The following ALOX15 variants were observed in gnomAD, a reference collection of about 807,000 sequenced individuals.
ALOX15 encodes arachidonate 15-lipoxygenase, also known as polyunsaturated fatty acid lipoxygenase ALOX15.
Under a neutral mutation model 71.7 loss-of-function variants are expected in ALOX15, and 68 were observed. That is an observed-to-expected ratio of 0.95 (90% CI 0.78 to 1.16). ALOX15 has a LOEUF of 1.16. Ranked by LOEUF, ALOX15 falls within the 50% of genes most tolerant of loss-of-function variation. The probability of loss-of-function intolerance (pLI) is 0.00; values close to 1 mark genes in which losing one functional copy is unlikely to be tolerated. For synonymous variants in ALOX15, 346 were observed against 333.3 expected, an observed-to-expected ratio of 1.04 and a Z score of -0.42; for missense variants, 798 against 818.8, an observed-to-expected ratio of 0.97 and a Z score of 0.31.
intron 7 of ALOX15, among the ~76,000 whole-genome samples, chr17:4,636,415 G>C (rs1911104655): frequency 6.6e-6 from 1 of 152,142 alleles, no homozygotes; most frequent in African/African-American, 2.4e-5. Context: ...ATCCACCTGG[G>C]CACCCTGTTC....
intron 8 of ALOX15, among the ~76,000 whole-genome samples, chr17:4,634,550 TTGAGA>T (rs759075638): frequency 1.6e-4 from 25 of 152,234 alleles, no homozygotes; most frequent in Non-Finnish European, 2.9e-4. Context: ...AAGTACCCTT[TTGAGA>T]TGTTTTTTCC....
chr17:4,633,342 G>A (rs1371380215), intron 9 of ALOX15, 27 bp from the exon 10 acceptor site: 5 of 1,611,540 alleles, frequency 3.1e-6, no homozygotes, highest in African/African-American at 1.3e-5. Context: ...AGCAGGGTCA[G>A]GCGAATCGAC....
At chr17:4,635,029 T>C (rs1911048636) in intron 8 of ALOX15, among the ~76,000 whole-genome samples, 1 of 151,804 alleles carries the variant, frequency 6.6e-6, no homozygotes, top group Non-Finnish European at 1.5e-5. Flanking sequence ...TTGGGGGACA[T>C]TGTGCCCCCA....
intron 8 of ALOX15, among the ~76,000 whole-genome samples, chr17:4,635,226 T>C: frequency 6.6e-6 from 1 of 151,848 alleles, no homozygotes; most frequent in East Asian, 1.9e-4. Flanking sequence ...AGGTCAGGCA[T>C]TCGAGACCAG....
At chr17:4,636,567 G>C (rs1188494994) in intron 7 of ALOX15, among the ~76,000 whole-genome samples, 1 of 152,086 alleles carries the variant, frequency 6.6e-6, no homozygotes, top group African/African-American at 2.4e-5. Flanking sequence ...CCTGGGGTCA[G>C]TGCTGGGGCA....
At chr17:4,632,405 G>C in intron 11 of ALOX15, 124 bp from the exon 12 acceptor site, 2 of 802,618 alleles carry the variant, frequency 2.5e-6, no homozygotes, top group Non-Finnish European at 4.1e-6. Context: ...AACTCTTACA[G>C]GAATTACCAT....
At position 4,631,976 on chromosome 17, in the gene ALOX15, C is replaced by T; in HGVS notation, c.1722G>A (p.Glu574=). Residue 574 remains glutamate (E), a synonymous_variant, in exon 13 of 14, where the codon GAG becomes GAA. Transcript: ENST00000293761. ...PPPTTKDATL[E]TVMATLPNFH... is the part of the protein sequence containing the mutation. ...AGTTGGGCAGTGTCGCCATCACTGT[C>T]TCCAGCGTTGCATCCTTGGTGGTTG... 1 of 1,614,138 alleles carries T rather than the reference C, an allele frequency of 6.2e-7. No individual in the cohort carries two copies. Among genetic ancestry groups the T allele is most frequent in the Non-Finnish European group, 8.5e-7 (1 of 1,180,036 alleles).
intron 8 of ALOX15, 150 bp from the exon 9 acceptor site, chr17:4,633,650 G>A (rs1910993700): frequency 3.1e-6 from 2 of 640,424 alleles, no homozygotes; most frequent in East Asian, 2.7e-5. Context: ...GTTTTCAGAA[G>A]TACCATTCAA....
intron 1 of ALOX15, 64 bp downstream of exon 1, chr17:4,641,453 C>T: frequency 1.3e-6 from 2 of 1,570,514 alleles, no homozygotes; most frequent in Admixed American, 1.8e-5. Context: ...GCATGTCCTC[C>T]CCGGTATTTG....
In ALOX15 at chr17:4,639,571, G is replaced by A. The variant is rs1567649082; in HGVS notation, c.196C>T (p.Arg66Cys). ...TCGTCCTTAAGGAGGTGCCGTTTGC[G>A]CAGTTTCACAAACAGCAGCGGCCCC... ...YLGPLLFVKL[R>C]KRHLLKDDAW... Residue 66 changes from arginine (R) to cysteine (C), a missense_variant, in exon 2 of 14, where the codon CGC becomes TGC. This residue lies in a region of ALOX15 where 300 missense variants were observed against 283.1 expected (regional missense o/e 1.06). Transcript: ENST00000293761. The A allele has an allele frequency of 6.2e-7, 1 of 1,614,084 alleles. No individual in the cohort carries two copies. The highest frequency in any genetic ancestry group is 8.5e-7 in the Non-Finnish European group (1 of 1,180,028).
chr17:4,639,194 C>T (rs1449858766), intron 2 of ALOX15, 62 bp from the exon 3 acceptor site: 23 of 1,587,820 alleles, frequency 1.4e-5, no homozygotes, highest in Non-Finnish European at 1.9e-5. Flanking sequence ...TTGTCTCTGC[C>T]AGGAGAGCCT....
intron 6 of ALOX15, 60 bp from the exon 7 acceptor site, chr17:4,637,318 A>C: frequency 6.5e-7 from 1 of 1,547,302 alleles, no homozygotes; most frequent in Non-Finnish European, 8.8e-7. Flanking sequence ...TCCTACTCGG[A>C]TTCCTCCAAG....
At chr17:4,641,471 C>G (rs1567649720) in intron 1 of ALOX15, 46 bp downstream of exon 1, 15 of 1,595,468 alleles carry the variant, frequency 9.4e-6, no homozygotes, top group African/African-American at 1.3e-5. Context: ...TTGACTGACT[C>G]GGAGCCAGGG....
chr17:4,638,691 G>T lies in ALOX15; in HGVS notation c.543-7C>A, dbSNP rs1023106801. On this transcript the variant is annotated splice_region_variant and splice_polypyrimidine_tract_variant and intron_variant, in intron 4 of 13. Coordinates refer to ENST00000293761, the MANE Select transcript of ALOX15 (RefSeq NM_001140.5). ...GATAGCGAGGTCGGCCAGCCTTCAG[G>T]GCAGGATGGGGCAAAGGGTTTGAGC... 6.2e-7 allele frequency: 1 copy of T among 1,613,812 alleles called. No homozygotes were observed. The highest frequency in any genetic ancestry group is 2.2e-5 in the East Asian group (1 of 44,886).
chr17:4,637,962 G>A (rs62067760), intron 6 of ALOX15, among the ~76,000 whole-genome samples: 10,114 of 134,448 alleles, frequency 0.075, no homozygotes, highest in African/African-American at 0.1. Flanking sequence ...TAGCACCAGG[G>A]GCCAGTCACA....
rs748175688 is a variant in ALOX15, at chr17:4,631,687, A to T, written c.1902T>A (p.Asp634Glu). 1 of 1,614,166 alleles carries T rather than the reference A, an allele frequency of 6.2e-7. No individual in the cohort carries two copies. The highest frequency in any genetic ancestry group is 8.5e-7 in the Non-Finnish European group (1 of 1,180,036). ...TTGCATTCCGGATCTCAATTTCCTT[A>T]TCCAGGGCAGCCAGCTCCTCCCTGA... is the stretch of plus-strand genomic sequence containing the variant. ...KKFREELAALDKEIEIRNAKL... is the reference protein window; with the variant it reads ...KKFREELAALEKEIEIRNAKL... The change falls in exon 14 of 14, where the codon GAT becomes GAA. Residue 634 changes from aspartate (D) to glutamate (E), a missense_variant. Asp to Glu is a conservative substitution (Grantham distance 45). Transcript: ENST00000293761.
rs148338933 is a variant in ALOX15 at position 4,633,204 on chromosome 17, C to T, written c.1360G>A (p.Gly454Arg). 7 of 1,614,164 alleles carry T rather than the reference C, an allele frequency of 4.3e-6. No individual in the cohort carries two copies. The highest frequency in any genetic ancestry group is 5.9e-6 in the Non-Finnish European group (7 of 1,180,018). ...TGGGCATAGAAGGAAGACTTCACTC[C>T]CAGGAGCCCCCGGTCGGCCAAGTCA... is the stretch of plus-strand genomic sequence containing the variant. Reference protein sequence around the residue: ...PDDLADRGLLGVKSSFYAQDA... With the variant: ...PDDLADRGLLRVKSSFYAQDA... Residue 454 changes from glycine to arginine, a missense_variant, in exon 10 of 14, where the codon GGA (glycine) becomes AGA (arginine). Physicochemically the swap from Gly to Arg is moderately radical, Grantham distance 125. This residue lies in a region of ALOX15 where 490 missense variants were observed against 509.4 expected (regional missense o/e 0.96). Transcript: ENST00000293761.
intron 1 of ALOX15, among the ~76,000 whole-genome samples, chr17:4,640,392 C>G (rs1011412923): frequency 2.0e-4 from 28 of 143,528 alleles, no homozygotes; most frequent in Non-Finnish European, 1.9e-4. Flanking sequence ...CCGGGAGGAC[C>G]GACGACCGCT....
At position 4,641,667 on chromosome 17, in the gene ALOX15, T is replaced by G. The variant is rs747991081; in HGVS notation, c.-16A>C. 1.4e-5 allele frequency: 21 copies of G among 1,535,802 alleles called. No homozygotes were observed. In the South Asian group the frequency reaches 2.4e-4, roughly 17 times the overall value. On this transcript the variant is annotated 5_prime_UTR_variant, in exon 1 of 14. Coordinates refer to ENST00000293761, the MANE Select transcript of ALOX15 (RefSeq NM_001140.5). The stretch of plus-strand genomic sequence containing the variant: ...AGAGACCCATCTTGCTCAAAGATGT[T>G]TCGCTCCTTCTGGTGGAGAAGGGTG...
Sources: gnomAD v4.1 joint callset for allele counts (sites outside exome capture counted in the v4.1 genomes callset) on GRCh38, gnomAD v4.1.1 for gene constraint, gnomAD v4.1.1 regional missense constraint, MANE v1.5 for transcripts, NCBI Gene and HGNC (gene_info 2026-07-23, HGNC 2026-07-21) for gene names.